PTPRM: variants seen among roughly 807,000 people sequenced by gnomAD.
The protein encoded by PTPRM is protein tyrosine phosphatase receptor type M, also known as receptor-type tyrosine-protein phosphatase mu.
In PTPRM, 47 loss-of-function variants were observed where a neutral mutation model predicts 186.7. The ratio of observed to expected loss-of-function variants is 0.25; its 90% CI spans 0.20 to 0.32. The LOEUF (loss-of-function observed/expected upper bound fraction) is 0.32, where lower values mean the gene tolerates loss of function less well. Ranked by LOEUF, PTPRM falls within the 10% of genes least tolerant of loss-of-function variation. The probability of loss-of-function intolerance (pLI) is 1.00; values close to 1 mark genes in which losing one functional copy is unlikely to be tolerated. For synonymous variants in PTPRM, 668 were observed against 674.9 expected (o/e 0.99, Z 0.16); for missense variants, 1,494 against 1,865.0 (o/e 0.80, Z 3.66).
At chr18:8,368,095 C>A (rs1210369277) in intron 23 of PTPRM, among the ~76,000 whole-genome samples, 1 of 151,450 alleles carries the variant, frequency 6.6e-6, no homozygotes, top group Admixed American at 6.6e-5. Flanking sequence ...TGCCTGTATA[C>A]CATATATGTA....
chr18:7,887,767 G>T (rs1545213), intron 2 of PTPRM, among the ~76,000 whole-genome samples: 1 of 152,130 alleles, frequency 6.6e-6, no homozygotes, highest in East Asian at 1.9e-4. Flanking sequence ...TTTTAAATAT[G>T]GAATTTTAAT....
chr18:8,374,911 A>G (rs1598489745), intron 24 of PTPRM, among the ~76,000 whole-genome samples: 1 of 152,332 alleles, frequency 6.6e-6, no homozygotes, highest in African/African-American at 2.4e-5. Context: ...GGTGAAAGTG[A>G]TGAGGTTAAT....
intron 2 of PTPRM, among the ~76,000 whole-genome samples, chr18:7,881,947 A>G (rs1416151820): frequency 6.6e-6 from 1 of 152,192 alleles, no homozygotes; most frequent in Non-Finnish European, 1.5e-5. Flanking sequence ...CCTTTGGGTT[A>G]AGAAAGCAGA....
intron 22 of PTPRM, among the ~76,000 whole-genome samples, chr18:8,336,215 G>A (rs2095438066): frequency 6.6e-6 from 1 of 152,076 alleles, no homozygotes; most frequent in African/African-American, 2.4e-5. Context: ...TTACACCTGG[G>A]CAGTGCCCCA....
At chr18:7,771,663 T>C (rs1187907202) in intron 1 of PTPRM, among the ~76,000 whole-genome samples, 1 of 152,172 alleles carries the variant, frequency 6.6e-6, no homozygotes, top group Non-Finnish European at 1.5e-5. Flanking sequence ...CACCATCAGA[T>C]CTGGAGCTAA....
At position 8,244,057 on chromosome 18, in the gene PTPRM, G is replaced by A; in HGVS notation, c.2301-1G>A. 6.2e-7 allele frequency: 1 copy of A among 1,607,670 alleles called. No homozygotes were observed. The highest frequency in any genetic ancestry group is 8.5e-7 in the Non-Finnish European group (1 of 1,178,088). ...TACATAATTGAATTCTTTATCCTAA[G>A]GAAACTGGCCAAGAAGCGGAAAGAG... On this transcript the variant is annotated splice_acceptor_variant, in intron 14 of 32. Transcript: ENST00000580170. LOFTEE classifies it high-confidence loss of function.
At chr18:7,811,823 A>AG (rs1184285984) in intron 2 of PTPRM, among the ~76,000 whole-genome samples, 1 of 152,140 alleles carries the variant, frequency 6.6e-6, no homozygotes, top group Non-Finnish European at 1.5e-5. Context: ...GGGCAATTAT[A>AG]ATCTATATTC....
At chr18:7,704,889 C>G (rs757892690) in intron 1 of PTPRM, among the ~76,000 whole-genome samples, 8 of 152,088 alleles carry the variant, frequency 5.3e-5, no homozygotes, top group African/African-American at 1.7e-4. Flanking sequence ...TCACACTTAG[C>G]TGGGAGATTT....
intron 2 of PTPRM, among the ~76,000 whole-genome samples, chr18:7,886,246 G>A (rs1261039284): frequency 1.3e-5 from 2 of 152,162 alleles, no homozygotes; most frequent in East Asian, 1.9e-4. Flanking sequence ...ACACAGGAAC[G>A]TCCTACTCTG....
At chr18:8,286,035 G>T (rs1051155837) in intron 19 of PTPRM, among the ~76,000 whole-genome samples, 4 of 152,162 alleles carry the variant, frequency 2.6e-5, no homozygotes, top group African/African-American at 4.8e-5. Flanking sequence ...AAATGTATTT[G>T]CATATACACG....
intron 19 of PTPRM, among the ~76,000 whole-genome samples, chr18:8,268,237 G>T (rs1013291004): frequency 6.6e-6 from 1 of 152,022 alleles, no homozygotes; most frequent in Non-Finnish European, 1.5e-5. Flanking sequence ...CATTTGTTTG[G>T]ATCTTCTTTA....
chr18:7,961,171 AATT>A (rs2053656818), intron 7 of PTPRM, among the ~76,000 whole-genome samples: 1 of 152,190 alleles, frequency 6.6e-6, no homozygotes, highest in South Asian at 2.1e-4. Flanking sequence ...TTAAATGTAC[AATT>A]ATTATTGACT....
At chr18:8,213,519 C>T (rs2094035588) in intron 14 of PTPRM, among the ~76,000 whole-genome samples, 2 of 152,140 alleles carry the variant, frequency 1.3e-5, no homozygotes, top group East Asian at 1.9e-4. Context: ...ATTCCCAAAG[C>T]TACTAGAATT....
intron 7 of PTPRM, among the ~76,000 whole-genome samples, chr18:7,956,760 AAT>A (rs758135813): frequency 3.3e-5 from 5 of 152,266 alleles, no homozygotes; most frequent in Non-Finnish European, 7.3e-5. Flanking sequence ...TATTTAGTTG[AAT>A]AAATTCCATC....
chr18:7,907,707 A>G (rs1049059795), intron 4 of PTPRM, among the ~76,000 whole-genome samples: 1 of 152,066 alleles, frequency 6.6e-6, no homozygotes, highest in South Asian at 2.1e-4. Context: ...CTGGGCCTCA[A>G]CTTTTACTGA....
chr18:8,225,407 T>C (rs1189166153), intron 14 of PTPRM, among the ~76,000 whole-genome samples: 2 of 151,848 alleles, frequency 1.3e-5, no homozygotes, highest in Non-Finnish European at 2.9e-5. Flanking sequence ...TTTTTTAACA[T>C]AACCCCAAAA....
intron 19 of PTPRM, among the ~76,000 whole-genome samples, chr18:8,271,306 A>G (rs533223051): frequency 6.6e-6 from 1 of 151,728 alleles, no homozygotes; most frequent in East Asian, 1.9e-4. Flanking sequence ...AGTTAATATA[A>G]CATATATGTG....
chr18:7,698,678 C>T (rs1372249275), intron 1 of PTPRM, among the ~76,000 whole-genome samples: 1 of 152,116 alleles, frequency 6.6e-6, no homozygotes, highest in African/African-American at 2.4e-5. Flanking sequence ...GTAACACAAG[C>T]AGTTTTCCAA....
intron 7 of PTPRM, among the ~76,000 whole-genome samples, chr18:7,990,060 C>T (rs542262311): frequency 3.0e-4 from 45 of 152,072 alleles, no homozygotes; most frequent in African/African-American, 7.2e-4. Context: ...TGCACCACCA[C>T]GCCTGGCTAA....
Sources: gnomAD v4.1 joint callset for allele counts (sites outside exome capture counted in the v4.1 genomes callset) on GRCh38, gnomAD v4.1.1 for gene constraint, MANE v1.5 for transcripts, NCBI Gene and HGNC (gene_info 2026-07-23, HGNC 2026-07-21) for gene names.